The following ZFR variants were observed in gnomAD, a reference collection of about 807,000 sequenced individuals.
ZFR encodes zinc finger RNA-binding protein.
ZFR carries 19 observed loss-of-function variants against 130.7 expected under a neutral mutation model. The observed-to-expected ratio is 0.15, with a 90% CI of 0.10 to 0.21. The LOEUF is 0.21. ZFR is among the 10% of genes least tolerant of loss of function. ZFR has a pLI of 1.00. For missense variants in ZFR, 872 were observed against 1,321.5 expected (o/e 0.66, Z 5.27); for synonymous variants, 466 against 456.9 (o/e 1.02, Z -0.25).
chr5:32,364,664 C>T (rs1008304004), intron 17 of ZFR: 1 of 152,928 alleles, frequency 6.5e-6, no homozygotes, highest in Non-Finnish European at 1.5e-5. Context: ...AGCCTGGGAT[C>T]GTTTACTGGC....
chr5:32,425,895 G>T (rs1298989418), intron 2 of ZFR, among the ~76,000 whole-genome samples: 1 of 152,182 alleles, frequency 6.6e-6, no homozygotes, highest in African/African-American at 2.4e-5. Flanking sequence ...ATAATTAGAA[G>T]TGCTACAGGA....
At chr5:32,386,363 T>C (rs1186322731) in intron 14 of ZFR, among the ~76,000 whole-genome samples, 1 of 152,160 alleles carries the variant, frequency 6.6e-6, no homozygotes, top group Non-Finnish European at 1.5e-5. Flanking sequence ...ATAAATTAAC[T>C]ATAAATTAAT....
At chr5:32,399,601 T>C (rs563433302) in intron 9 of ZFR, among the ~76,000 whole-genome samples, 1 of 152,324 alleles carries the variant, frequency 6.6e-6, no homozygotes, top group South Asian at 2.1e-4. Flanking sequence ...ATGAATATAT[T>C]CTGTTAAATC....
At chr5:32,415,523 C>CGCACGCGCGT in intron 4 of ZFR, among the ~76,000 whole-genome samples, 1 of 132,106 alleles carries the variant, frequency 7.6e-6, no homozygotes, top group East Asian at 2.2e-4. Flanking sequence ...TGTGCGCGCG[C>CGCACGCGCGT]GCGCGCGCGC....
intron 5 of ZFR, among the ~76,000 whole-genome samples, chr5:32,407,871 G>A (rs1468991943): frequency 6.6e-6 from 1 of 152,064 alleles, no homozygotes; most frequent in African/African-American, 2.4e-5. Context: ...TTTAATCTGT[G>A]AACGTGGAGA....
At chr5:32,381,846 T>A (rs974282016) in intron 15 of ZFR, among the ~76,000 whole-genome samples, 11 of 152,174 alleles carry the variant, frequency 7.2e-5, no homozygotes, top group Admixed American at 2.0e-4. Flanking sequence ...AAAGAGGAAT[T>A]TGGTGCTAAA....
intron 11 of ZFR, among the ~76,000 whole-genome samples, chr5:32,393,503 C>T (rs148104621): frequency 4.1e-4 from 63 of 152,020 alleles, no homozygotes; most frequent in African/African-American, 1.4e-3. Context: ...GCCACCACGC[C>T]GGCTAATTTT....
At chr5:32,356,866 C>T (rs1322082272) in intron 19 of ZFR, among the ~76,000 whole-genome samples, 1 of 152,158 alleles carries the variant, frequency 6.6e-6, no homozygotes, top group African/African-American at 2.4e-5. Context: ...AAATGAAGCT[C>T]CCCAAAATTT....
intron 2 of ZFR, among the ~76,000 whole-genome samples, chr5:32,438,787 ATAT>A (rs1193269720): frequency 3.9e-5 from 6 of 152,172 alleles, no homozygotes; most frequent in Non-Finnish European, 4.4e-5. Flanking sequence ...AACCCTTATA[ATAT>A]TATTACTTAA....
At chr5:32,394,417 T>A (rs1753250561) in intron 11 of ZFR, 1 of 168,960 alleles carries the variant, frequency 5.9e-6, no homozygotes, top group African/African-American at 2.4e-5. Context: ...CAAATGAATT[T>A]ATTAATTCAA....
At chr5:32,377,350 A>G (rs1358683420) in intron 17 of ZFR, among the ~76,000 whole-genome samples, 2 of 150,468 alleles carry the variant, frequency 1.3e-5, no homozygotes, top group Non-Finnish European at 3.0e-5. Flanking sequence ...CTCCTGCCTC[A>G]GCCTCCTGAG....
chr5:32,414,720 G>A (rs1049746071), intron 5 of ZFR, among the ~76,000 whole-genome samples: 1 of 152,062 alleles, frequency 6.6e-6, no homozygotes, highest in African/African-American at 2.4e-5. Context: ...GCAATGCTAA[G>A]CCCAAGACTC....
chr5:32,374,530 A>C (rs747004169), intron 17 of ZFR, among the ~76,000 whole-genome samples: 2 of 151,960 alleles, frequency 1.3e-5, no homozygotes, highest in Non-Finnish European at 2.9e-5. Context: ...TAAATAAATA[A>C]ATAAATAAAA....
At chr5:32,385,087 TTTTG>T (rs534499886) in intron 15 of ZFR, among the ~76,000 whole-genome samples, 238 of 152,218 alleles carry the variant, frequency 1.6e-3, no homozygotes, top group African/African-American at 5.4e-3. Context: ...ACTTAGCCAA[TTTTG>T]TTTGTGAAAA....
At chr5:32,431,662 CAAGTTTAATGCTCAACAGTGTTGG>C (rs1371736633) in intron 2 of ZFR, among the ~76,000 whole-genome samples, 1 of 150,852 alleles carries the variant, frequency 6.6e-6, no homozygotes, top group African/African-American at 2.4e-5. Context: ...CCCTTTAGTC[CAAGTTTAATGCTCAACAGTGTTGG>C]ACTTTTCTAG....
At chr5:32,387,831 C>G in intron 13 of ZFR, 132 bp from the exon 14 acceptor site, 1 of 831,890 alleles carries the variant, frequency 1.2e-6, no homozygotes. Flanking sequence ...AGAAAGACAT[C>G]CAGCATTTTT....
At position 32,390,436 on chromosome 5, in the gene ZFR, G is replaced by A. The variant is rs1365462583; in HGVS notation, c.1981C>T (p.Arg661Cys). The A allele has an allele frequency of 3.7e-6, 6 of 1,611,388 alleles. No individual in the cohort carries two copies. Among genetic ancestry groups the A allele is most frequent in the East Asian group, 2.2e-5 (1 of 44,808 alleles). The change falls in exon 12 of 20, where the codon CGT becomes TGT. Residue 661 changes from arginine to cysteine, a missense_variant and splice_region_variant. Physicochemically the swap from Arg to Cys is radical, Grantham distance 180. This residue lies in a region of ZFR where 225 missense variants were observed against 282.4 expected (regional missense o/e 0.80). Transcript: ENST00000265069. ...EEERWRMEMR[R>C]YEEDMYWRRM... ...CTCCAGTACATGTCCTCTTCATAAC[G>A]TCTGAAACATAAAGAATGACATTAT...
intron 4 of ZFR, among the ~76,000 whole-genome samples, chr5:32,415,515 T>TGTGTGTGTGG (rs1326041688): frequency 1.0e-5 from 1 of 97,936 alleles, no homozygotes. Context: ...TGTGTGTGTG[T>TGTGTGTGTGG]GCGCGCGCGC....
intron 17 of ZFR, among the ~76,000 whole-genome samples, chr5:32,370,732 T>C (rs1450027737): frequency 1.3e-5 from 2 of 152,204 alleles, no homozygotes; most frequent in Admixed American, 6.5e-5. Flanking sequence ...AGTTATACTA[T>C]TCTAAAGGTT....
Sources: allele counts gnomAD v4.1 joint callset (sites outside exome capture counted in the v4.1 genomes callset), GRCh38; gene constraint gnomAD v4.1.1; regional missense constraint gnomAD v4.1.1; transcripts MANE v1.5; gene names NCBI Gene and HGNC (gene_info 2026-07-23, HGNC 2026-07-21).